Variants in CELF2 observed in about 807,000 individuals in gnomAD.
CELF2 encodes the protein CUG triplet repeat RNA-binding protein 2.
In CELF2, 8 loss-of-function variants were observed where a neutral mutation model predicts 62.6. The ratio of observed to expected loss-of-function variants is 0.13; its 90% CI spans 0.07 to 0.23. CELF2 has a LOEUF of 0.23. Ranked by LOEUF, CELF2 falls within the 10% of genes least tolerant of loss-of-function variation. The probability of loss-of-function intolerance (pLI) is 1.00; values close to 1 mark genes in which losing one functional copy is unlikely to be tolerated. For synonymous variants in CELF2, 258 were observed against 250.0 expected (o/e 1.03, Z -0.30); for missense variants, 333 against 671.0 (o/e 0.50, Z 5.56).
At chr10:11,029,491 T>C (rs965990573) in intron 1 of CELF2, among the ~76,000 whole-genome samples, 2 of 152,188 alleles carry the variant, frequency 1.3e-5, no homozygotes, top group African/African-American at 2.4e-5. Context: ...CAGGGGAATA[T>C]TTGGCACCTA....
intron 1 of CELF2, among the ~76,000 whole-genome samples, chr10:11,100,217 A>T (rs2051160146): frequency 8.2e-6 from 1 of 122,440 alleles, no homozygotes; most frequent in Admixed American, 7.6e-5. Flanking sequence ...ATAAATAAAT[A>T]AATAAAATAA....
intron 2 of CELF2, among the ~76,000 whole-genome samples, chr10:11,200,608 CCT>C (rs2059005600): frequency 6.6e-6 from 1 of 152,220 alleles, no homozygotes; most frequent in Admixed American, 6.5e-5. Context: ...GCAGGGTCTC[CCT>C]CTTTTCCTTG....
At chr10:10,540,534 C>G in the CELF2 span, among the ~76,000 whole-genome samples, 3 of 152,140 alleles carry the variant, frequency 2.0e-5, no homozygotes, top group Non-Finnish European at 2.9e-5. Flanking sequence ...AGACCTAGCT[C>G]CCCATACGGT....
At chr10:10,939,277 G>GTTGT (rs1564851300) in intron 2 of CELF2, among the ~76,000 whole-genome samples, 28 of 144,322 alleles carry the variant, frequency 1.9e-4, no homozygotes, top group African/African-American at 6.4e-4. Context: ...TTGTTTTGTG[G>GTTGT]TGTTGTTGTT....
chr10:11,234,363 C>T (rs879818829), intron 3 of CELF2, among the ~76,000 whole-genome samples: 4 of 152,156 alleles, frequency 2.6e-5, no homozygotes, highest in Admixed American at 2.6e-4. Flanking sequence ...AGCTTTTATT[C>T]ATAGACACTC....
At chr10:11,026,682 T>C (rs1593408622) in intron 1 of CELF2, among the ~76,000 whole-genome samples, 1 of 152,298 alleles carries the variant, frequency 6.6e-6, no homozygotes, top group East Asian at 1.9e-4. Context: ...TCCTGATTTA[T>C]ATATATGTTT....
the CELF2 span, among the ~76,000 whole-genome samples, chr10:10,657,289 G>T: frequency 2.0e-5 from 3 of 152,130 alleles, no homozygotes; most frequent in African/African-American, 4.8e-5. Context: ...AATTGTTGCT[G>T]GGTGCTTGTT....
At chr10:11,136,227 T>C (rs1204821931) in intron 1 of CELF2, among the ~76,000 whole-genome samples, 1 of 152,234 alleles carries the variant, frequency 6.6e-6, no homozygotes. Flanking sequence ...GGTACTATGC[T>C]GACTACTTGA....
At chr10:10,772,043 A>G in the CELF2 span, among the ~76,000 whole-genome samples, 7 of 152,220 alleles carry the variant, frequency 4.6e-5, no homozygotes, top group Non-Finnish European at 8.8e-5. Context: ...GCCTTAGACT[A>G]TAGCAGAATG....
chr10:11,042,720 C>G (rs1050786543), intron 1 of CELF2, among the ~76,000 whole-genome samples: 1 of 152,158 alleles, frequency 6.6e-6, no homozygotes, highest in Admixed American at 6.5e-5. Flanking sequence ...CCCCAGGCAA[C>G]CATTGATCTC....
intron 1 of CELF2, among the ~76,000 whole-genome samples, chr10:10,892,456 A>G (rs922763445): frequency 1.3e-5 from 2 of 152,092 alleles, no homozygotes; most frequent in African/African-American, 4.8e-5. Flanking sequence ...TCCATCCACA[A>G]ATGGAAGGCA....
At chr10:11,286,049 G>A (rs1032180914) in intron 8 of CELF2, among the ~76,000 whole-genome samples, 14 of 152,324 alleles carry the variant, frequency 9.2e-5, no homozygotes, top group Middle Eastern at 3.4e-3. Flanking sequence ...CAGAGAAAGC[G>A]TGTGCATTAA....
intron 1 of CELF2, among the ~76,000 whole-genome samples, chr10:11,042,415 A>G (rs909496142): frequency 6.6e-6 from 1 of 152,112 alleles, no homozygotes; most frequent in African/African-American, 2.4e-5. Flanking sequence ...GACTTTGAAG[A>G]CTCACATTGA....
rs2071844433 is a variant in CELF2 at position 11,237,409 on chromosome 10, A to AGGCAGGAGTGT, written c.355-11740_355-11730dup. On this transcript the variant is annotated intron_variant, in intron 3 of 12. Transcript: ENST00000633077. The surrounding 1 kb of genome is among the most constrained non-coding windows in gnomAD (Gnocchi z 4.0). ...GATTCAGGTCATTTCCTATGGGGTG[A>AGGCAGGAGTGT]GGCAGGAGTGTGGCTGGAAGAGTCT... Among the ~76,000 whole-genome samples, 2 of 152,142 alleles carry AGGCAGGAGTGT rather than the reference A, an allele frequency of 1.3e-5. No individual in the cohort carries two copies. Among genetic ancestry groups the AGGCAGGAGTGT allele is most frequent in the Admixed American group, 6.5e-5 (1 of 15,274 alleles).
At chr10:11,037,957 G>A (rs1240914807) in intron 1 of CELF2, among the ~76,000 whole-genome samples, 1 of 121,598 alleles carries the variant, frequency 8.2e-6, no homozygotes, top group Non-Finnish European at 1.8e-5. Context: ...TTGTTTTGGG[G>A]AAGCCGAAGT....
the CELF2 span, among the ~76,000 whole-genome samples, chr10:10,475,576 C>A: frequency 6.6e-6 from 1 of 151,908 alleles, no homozygotes; most frequent in Admixed American, 6.6e-5. Flanking sequence ...ATTTGAGGGC[C>A]TCTTTCTGGA....
chr10:10,923,602 T>C (rs2065129087), intron 2 of CELF2, among the ~76,000 whole-genome samples: 1 of 152,350 alleles, frequency 6.6e-6, no homozygotes, highest in Middle Eastern at 3.4e-3. Flanking sequence ...AACCTAAATG[T>C]GTTTTTGAAT....
chr10:10,755,910 A>C, the CELF2 span, among the ~76,000 whole-genome samples: 4 of 152,330 alleles, frequency 2.6e-5, no homozygotes, highest in East Asian at 7.7e-4. Context: ...ATTCTTTTTT[A>C]CCCGAATAGA....
At chr10:10,632,217 A>G in the CELF2 span, among the ~76,000 whole-genome samples, 5 of 152,214 alleles carry the variant, frequency 3.3e-5, no homozygotes, top group Admixed American at 2.0e-4. Context: ...TAAAACTTCC[A>G]CACACTGGAG....
Sources: allele counts gnomAD v4.1 joint callset (sites outside exome capture counted in the v4.1 genomes callset), GRCh38; gene constraint gnomAD v4.1.1; non-coding constraint Gnocchi (gnomAD v3.1); transcripts MANE v1.5; gene names NCBI Gene and HGNC (gene_info 2026-07-23, HGNC 2026-07-21).